BAZ1A: variants seen among roughly 807,000 people sequenced by gnomAD.
BAZ1A encodes the protein bromodomain adjacent to zinc finger domain 1A.
In BAZ1A, 50 loss-of-function variants were observed where a neutral mutation model predicts 185.2. The observed-to-expected ratio is 0.27, with a 90% CI of 0.22 to 0.34. The LOEUF (loss-of-function observed/expected upper bound fraction) is 0.34, where lower values mean the gene tolerates loss of function less well. Among genes scored for constraint, BAZ1A ranks in the 10% least tolerant of loss-of-function variants. The probability of loss-of-function intolerance (pLI) is 1.00; values close to 1 mark genes in which losing one functional copy is unlikely to be tolerated. For missense variants in BAZ1A, 1,356 were observed against 1,839.9 expected, an observed-to-expected ratio of 0.74 and a Z score of 4.81; for synonymous variants, 571 against 615.6, an observed-to-expected ratio of 0.93 and a Z score of 1.07.
intron 19 of BAZ1A, among the ~76,000 whole-genome samples, chr14:34,773,977 G>A (rs1265868764): frequency 6.6e-6 from 1 of 152,074 alleles, no homozygotes; most frequent in Non-Finnish European, 1.5e-5. Context: ...CTTGATAGCA[G>A]CAAAAAAGTG....
At position 34,786,614 on chromosome 14, in the gene BAZ1A, T is replaced by TTTG. The variant is rs1880470107; in HGVS notation, c.1511-394_1511-393insCAA. On this transcript the variant is annotated intron_variant, in intron 12 of 26. Transcript: ENST00000360310. ...CCAATCTTTTATGTGTGTTTTTTTT[T>TTTG]TTTTTTTTTTTGAGATGTAGTCTTG... 2.7e-5 allele frequency: 4 copies of TTTG among 148,006 alleles called. 1 individual carries two copies. In the South Asian group the frequency reaches 5.9e-4, roughly 22 times the overall value. 9.2% of individuals were successfully genotyped at this position (148,006 alleles called of 1,614,324 possible).
intron 21 of BAZ1A, 50 bp from the exon 22 acceptor site, chr14:34,765,318 T>C (rs752453154): frequency 1.3e-6 from 2 of 1,590,012 alleles, no homozygotes; most frequent in Non-Finnish European, 8.6e-7. Context: ...AACCTAGTAA[T>C]CTTCCTAGAA....
chr14:34,875,158 A>G lies in BAZ1A; in HGVS notation c.-79T>C, dbSNP rs1233142201. On this transcript the variant is annotated 5_prime_UTR_variant, in exon 1 of 27. Coordinates refer to ENST00000360310, the MANE Select transcript of BAZ1A (RefSeq NM_013448.3). ...CTCACCTGCGATCACGCCGACTGCCACTTGTCCACCTTCTCCACTACAAAG... is the reference window on the plus strand; with the variant it reads ...CTCACCTGCGATCACGCCGACTGCCGCTTGTCCACCTTCTCCACTACAAAG... The G allele has an allele frequency of 2.4e-6, 1 of 417,138 alleles. No individual in the cohort carries two copies. The highest frequency in any genetic ancestry group is 2.6e-5 in the Admixed American group (1 of 38,314). The allele number at this position is 417,138 out of a possible 1,614,324, so 25.8% of individuals were successfully genotyped here. A position where few individuals can be genotyped will look rare whatever the true frequency, so the allele number is the denominator to read the frequency against.
At chr14:34,796,703 T>C in intron 9 of BAZ1A, among the ~76,000 whole-genome samples, 4 of 152,346 alleles carry the variant, frequency 2.6e-5, no homozygotes, top group Admixed American at 2.6e-4. Context: ...TTCCAGTAAG[T>C]ATACTTAATA....
At chr14:34,792,213 G>C (rs1012025019) in intron 12 of BAZ1A, among the ~76,000 whole-genome samples, 19 of 152,132 alleles carry the variant, frequency 1.2e-4, no homozygotes, top group African/African-American at 4.6e-4. Flanking sequence ...GTGAAACCCC[G>C]TCTCTATTTT....
intron 4 of BAZ1A, among the ~76,000 whole-genome samples, chr14:34,820,292 A>AT (rs1016978550): frequency 3.3e-5 from 5 of 151,630 alleles, no homozygotes; most frequent in African/African-American, 9.7e-5. Flanking sequence ...TACCCGGCTG[A>AT]TTTTTTTGTG....
intron 2 of BAZ1A, among the ~76,000 whole-genome samples, chr14:34,872,338 T>C (rs964330743): frequency 6.6e-6 from 1 of 152,220 alleles, no homozygotes; most frequent in African/African-American, 2.4e-5. Flanking sequence ...GGTTCACGCC[T>C]ATAATTCTAG....
chr14:34,768,612 A>C (rs1879005824), intron 21 of BAZ1A: 1 of 281,612 alleles, frequency 3.6e-6, no homozygotes, highest in Admixed American at 4.8e-5. Flanking sequence ...TATGCAAATC[A>C]CTATTCAGCC....
At chr14:34,867,955 G>A (rs983023019) in intron 2 of BAZ1A, among the ~76,000 whole-genome samples, 19 of 152,258 alleles carry the variant, frequency 1.2e-4, no homozygotes, top group Non-Finnish European at 1.3e-4. Context: ...TGTAACTAAC[G>A]AAACTTACAA....
intron 3 of BAZ1A, among the ~76,000 whole-genome samples, chr14:34,854,037 A>G (rs750830065): frequency 5.3e-5 from 8 of 152,358 alleles, no homozygotes; most frequent in Non-Finnish European, 1.2e-4. Flanking sequence ...AATCTAGTCA[A>G]TTTAGGCAAG....
rs1170746030 is a variant in BAZ1A at position 34,780,310 on chromosome 14, C to T, written c.2112G>A (p.Gly704=). 2 of 1,602,178 alleles carry T rather than the reference C, an allele frequency of 1.2e-6. No individual in the cohort carries two copies. Among genetic ancestry groups the T allele is most frequent in the Non-Finnish European group, 1.7e-6 (2 of 1,176,664 alleles). ...TATCAAAATCTTCCCTTTCTTCCTC[C>T]CTTTAGGATAAAAACAAAGATGACA... ...QRNSTADISI[G]EEEREDFDTS... is the part of the protein sequence containing the mutation. Residue 704 remains glycine, a splice_region_variant and synonymous_variant, in exon 17 of 27, where the codon GGG becomes GGA. Coordinates refer to ENST00000360310, the MANE Select transcript of BAZ1A (RefSeq NM_013448.3).
At chr14:34,821,827 A>G (rs2042094696) in intron 4 of BAZ1A, among the ~76,000 whole-genome samples, 1 of 151,928 alleles carries the variant, frequency 6.6e-6, no homozygotes, top group Non-Finnish European at 1.5e-5. Flanking sequence ...TCTATTAAAA[A>G]TACAAAATTA....
chr14:34,767,480 G>A (rs1878928418), intron 21 of BAZ1A, among the ~76,000 whole-genome samples: 2 of 152,106 alleles, frequency 1.3e-5, no homozygotes, highest in African/African-American at 4.8e-5. Flanking sequence ...AACCCAGGAG[G>A]CAAAGGTTGC....
intron 7 of BAZ1A, 30 bp from the exon 8 acceptor site, chr14:34,801,223 G>C: frequency 6.7e-7 from 1 of 1,485,024 alleles, no homozygotes. Flanking sequence ...AGTATGCCTG[G>C]TTCTTATAGT....
rs375235365 is a variant in BAZ1A at position 34,862,092 on chromosome 14, C to T, written c.344G>A (p.Arg115Gln). The change falls in exon 3 of 27, where the codon CGA becomes CAA. Residue 115 changes from arginine to glutamine, a missense_variant. Physicochemically the swap from Arg to Gln is conservative, Grantham distance 43. Around this residue, in one of 7 missense-constraint regions of BAZ1A, gnomAD observed 332 missense variants for 395.3 expected, o/e 0.84. Coordinates refer to ENST00000360310, the MANE Select transcript of BAZ1A (RefSeq NM_013448.3). The stretch of plus-strand genomic sequence containing the variant: ...TTCCACAGTTTCTTCGACAAAATAT[C>T]GATCCTTGACATATGCAAAGATATC... Reference protein sequence around the residue: ...CDDIFAYVKDRYFVEETVEVI... With the variant: ...CDDIFAYVKDQYFVEETVEVI... The T allele has an allele frequency of 1.2e-6, 2 of 1,614,058 alleles. No individual in the cohort carries two copies. Among genetic ancestry groups the T allele is most frequent in the African/African-American group, 1.3e-5 (1 of 74,928 alleles).
chr14:34,849,059 G>A (rs2042558771), intron 3 of BAZ1A, among the ~76,000 whole-genome samples: 1 of 152,222 alleles, frequency 6.6e-6, no homozygotes, highest in Non-Finnish European at 1.5e-5. Flanking sequence ...AGCACTTTCA[G>A]GAGGCTGAGG....
chr14:34,868,531 C>T (rs1367263727), intron 2 of BAZ1A, among the ~76,000 whole-genome samples: 1 of 152,088 alleles, frequency 6.6e-6, no homozygotes, highest in Non-Finnish European at 1.5e-5. Flanking sequence ...AGGCCGGGTG[C>T]CGTGACTCAC....
intron 12 of BAZ1A, among the ~76,000 whole-genome samples, chr14:34,791,161 G>GAGA (rs1880824045): frequency 6.6e-6 from 1 of 151,790 alleles, no homozygotes; most frequent in South Asian, 2.1e-4. Context: ...GAGAAGAGAA[G>GAGA]AGAGTAGTAA....
At chr14:34,756,107 GT>G (rs1285669268) in intron 25 of BAZ1A, among the ~76,000 whole-genome samples, 2 of 113,154 alleles carry the variant, frequency 1.8e-5, no homozygotes, top group Non-Finnish European at 3.9e-5. Context: ...TCCCAAACTG[GT>G]TTTTTTCTTT....
Sources: gnomAD v4.1 joint callset for allele counts (sites outside exome capture counted in the v4.1 genomes callset) on GRCh38, gnomAD v4.1.1 for gene constraint, gnomAD v4.1.1 regional missense constraint, MANE v1.5 for transcripts, NCBI Gene and HGNC (gene_info 2026-07-23, HGNC 2026-07-21) for gene names.